The following RIPK4 variants were observed in gnomAD, a reference collection of about 807,000 sequenced individuals.
RIPK4 encodes the protein receptor interacting serine/threonine kinase 4.
RIPK4 carries 17 observed loss-of-function variants against 42.9 expected under a neutral mutation model. That is an observed-to-expected ratio of 0.40 (90% CI 0.27 to 0.59). The LOEUF (loss-of-function observed/expected upper bound fraction) is 0.59, where lower values mean the gene tolerates loss of function less well. Ranked by LOEUF, RIPK4 falls within the 20% of genes least tolerant of loss-of-function variation. The pLI, the probability that RIPK4 is intolerant of heterozygous loss-of-function variation, is 0.47. For synonymous variants in RIPK4, 498 were observed against 499.1 expected (o/e 1.00, Z 0.03); for missense variants, 897 against 1,104.4 (o/e 0.81, Z 2.66).
At chr21:41,758,929 C>CA (rs2061212836) in intron 1 of RIPK4, among the ~76,000 whole-genome samples, 1 of 152,178 alleles carries the variant, frequency 6.6e-6, no homozygotes, top group South Asian at 2.1e-4. Context: ...AGAATGCGTT[C>CA]AGAGTAAGAG....
rs758587792 is a variant in RIPK4 at position 41,751,135 on chromosome 21, C to T, written c.585G>A (p.Glu195=). Residue 195 remains glutamate, a synonymous_variant, in exon 3 of 8, where the codon GAG becomes GAA. Coordinates refer to ENST00000332512, the MANE Select transcript of RIPK4 (RefSeq NM_020639.3). This position sits in a 1 kb window ranked among gnomAD's most constrained non-coding sequence, Gnocchi z 4.5. ...IAYLPPERIR[E]KSRLFDTKHD... The stretch of plus-strand genomic sequence containing the variant: ...GCTTGGTGTCGAAGAGCCGGCTCTT[C>T]TCCCTGATGCGCTCTGGAGGGAGGT... 3 of 1,614,188 alleles carry T rather than the reference C, an allele frequency of 1.9e-6. No homozygotes were observed. The South Asian group carries it at 3.3e-5, about 18-fold the overall frequency.
intron 1 of RIPK4, 28 bp downstream of exon 1, chr21:41,766,832 G>A (rs1302460541): frequency 1.3e-6 from 2 of 1,591,258 alleles, no homozygotes; most frequent in Non-Finnish European, 1.7e-6. Flanking sequence ...GGCCCCAGCC[G>A]CCCCAGCGCC....
chr21:41,765,801 A>G (rs2061234415), intron 1 of RIPK4, among the ~76,000 whole-genome samples: 1 of 152,382 alleles, frequency 6.6e-6, no homozygotes. Context: ...AAGCTTCATT[A>G]AAGGATAAAT....
In RIPK4 at chr21:41,742,315, A is replaced by G. The variant is rs920102862; in HGVS notation, c.1196-318T>C. On this transcript the variant is annotated intron_variant, in intron 7 of 7. Coordinates refer to ENST00000332512, the MANE Select transcript of RIPK4 (RefSeq NM_020639.3). This position sits in a 1 kb window ranked among gnomAD's most constrained non-coding sequence, Gnocchi z 5.1. ...CAGTGACTGCAAACATCCCTTCATTAAAGAAAGAAGGAAAAAGGGCACAGA... is the reference window on the plus strand; with the variant it reads ...CAGTGACTGCAAACATCCCTTCATTGAAGAAAGAAGGAAAAAGGGCACAGA... Among the ~76,000 whole-genome samples the G allele has an allele frequency of 2.0e-5, 3 of 152,192 alleles. No homozygotes were observed. The highest frequency in any genetic ancestry group is 7.2e-5 in the African/African-American group (3 of 41,452).
At chr21:41,753,581 C>T (rs1358553239) in intron 2 of RIPK4, among the ~76,000 whole-genome samples, 3 of 152,294 alleles carry the variant, frequency 2.0e-5, no homozygotes, top group Non-Finnish European at 2.9e-5. Flanking sequence ...CCCCTCACCC[C>T]GTGTCCTCAA....
intron 6 of RIPK4, among the ~76,000 whole-genome samples, chr21:41,744,734 C>T (rs955252853): frequency 1.3e-4 from 20 of 152,152 alleles, no homozygotes; most frequent in Admixed American, 6.6e-5. Context: ...GACCCCCACA[C>T]GTGGCCACAA....
chr21:41,763,562 C>CGAAGGA, intron 1 of RIPK4, among the ~76,000 whole-genome samples: 1 of 152,282 alleles, frequency 6.6e-6, no homozygotes, highest in Admixed American at 6.5e-5. Flanking sequence ...CAAAGAGCTC[C>CGAAGGA]GAAGGAGAAA....
chr21:41,765,110 G>A (rs1399854531), intron 1 of RIPK4, among the ~76,000 whole-genome samples: 1 of 152,250 alleles, frequency 6.6e-6, no homozygotes, highest in African/African-American at 2.4e-5. Context: ...CTAAGGATGT[G>A]AGCTGGTGAG....
chr21:41,764,129 G>A (rs1465942171), intron 1 of RIPK4, among the ~76,000 whole-genome samples: 1 of 152,136 alleles, frequency 6.6e-6, no homozygotes, highest in Non-Finnish European at 1.5e-5. Flanking sequence ...TCCTGTCCCT[G>A]GGAGCCTCGC....
At chr21:41,745,297 G>A (rs1168233636) in intron 6 of RIPK4, among the ~76,000 whole-genome samples, 3 of 152,200 alleles carry the variant, frequency 2.0e-5, no homozygotes, top group East Asian at 3.9e-4. Flanking sequence ...CTCATCACCC[G>A]AAAAGGCATT....
At chr21:41,750,324 A>G (rs961011672) in intron 3 of RIPK4, among the ~76,000 whole-genome samples, 1 of 152,244 alleles carries the variant, frequency 6.6e-6, no homozygotes, top group Admixed American at 6.5e-5. Context: ...AGTCTGTGTG[A>G]TTAAGACCTT....
chr21:41,743,747 A>G, intron 7 of RIPK4, 135 bp downstream of exon 7: 1 of 1,166,450 alleles, frequency 8.6e-7, no homozygotes, highest in South Asian at 1.5e-5. Context: ...ATTACTTAAG[A>G]CAGAGAGAAC....
intron 2 of RIPK4, among the ~76,000 whole-genome samples, chr21:41,752,824 T>C (rs78117870): frequency 6.6e-5 from 10 of 151,820 alleles, no homozygotes; most frequent in Admixed American, 6.6e-5. Flanking sequence ...GCCCTGTCGG[T>C]GCGTAGGGGA....
In RIPK4 at chr21:41,763,608, ATG is replaced by A. The variant is rs2061227497; in HGVS notation, c.182+3250_182+3251del. ...ACCTTCAGGAAAATGCAGCCGGAAA[ATG>A]TGTTTCATCATCTGTTAGCTGATGC... is the stretch of plus-strand genomic sequence containing the variant. On this transcript the variant is annotated intron_variant, in intron 1 of 7. Transcript: ENST00000332512. Among the ~76,000 whole-genome samples, 5 of 152,324 alleles carry A rather than the reference ATG, an allele frequency of 3.3e-5. No individual in the cohort carries two copies. In the South Asian group the frequency reaches 1.0e-3, roughly 32 times the overall value.
At chr21:41,746,794 C>A in intron 4 of RIPK4, 23 bp from the exon 5 acceptor site, 1 of 1,561,818 alleles carries the variant, frequency 6.4e-7, no homozygotes, top group South Asian at 1.2e-5. Context: ...GGATGCGAGT[C>A]AGGGGCTCTG....
At chr21:41,744,252 GA>G in intron 6 of RIPK4, 112 bp from the exon 7 acceptor site, 1 of 1,017,418 alleles carries the variant, frequency 9.8e-7, no homozygotes, top group Non-Finnish European at 1.4e-6. Context: ...GATGGGGGAG[GA>G]AAGGACGGAC....
At position 41,746,717 on chromosome 21, in the gene RIPK4, T is replaced by C; in HGVS notation, c.728A>G (p.Glu243Gly). ...MVKVVKGHRP[E>G]LPPVCRARPR... Reference sequence around the variant, plus strand: ...CCGGGCTCTGCACACGGGCGGCAGCTCGGGGCGGTGGCCCTTCACCACCTT... The same window carrying C: ...CCGGGCTCTGCACACGGGCGGCAGCCCGGGGCGGTGGCCCTTCACCACCTT... Residue 243 changes from glutamate (E) to glycine (G), a missense_variant, in exon 5 of 8, where the codon GAG (glutamate) becomes GGG (glycine). By Grantham distance (98) the Glu-to-Gly change is moderately conservative. Coordinates refer to ENST00000332512, the MANE Select transcript of RIPK4 (RefSeq NM_020639.3). 3 of 1,609,428 alleles carry C rather than the reference T, an allele frequency of 1.9e-6. No individual in the cohort carries two copies. Among genetic ancestry groups the C allele is most frequent in the South Asian group, 1.1e-5 (1 of 90,916 alleles).
Position 41,740,798 on chromosome 21 carries a change from A to C in RIPK4, c.*40T>G, listed in dbSNP as rs1311556218. ...CCCCACGAGGAACACAGGACAGGAC[A>C]AGAGCCCCACGTGGACCCCCGGTCT... On this transcript the variant is annotated 3_prime_UTR_variant, in exon 8 of 8. Transcript: ENST00000332512. 1 of 1,550,518 alleles carries C rather than the reference A, an allele frequency of 6.4e-7. No individual in the cohort carries two copies. The highest frequency in any genetic ancestry group is 1.4e-5 in the African/African-American group (1 of 73,806).
At position 41,741,305 on chromosome 21, in the gene RIPK4, C is replaced by T. The variant is rs200417715; in HGVS notation, c.1888G>A (p.Val630Ile). Residue 630 changes from valine (V) to isoleucine (I), a missense_variant, in exon 8 of 8, where the codon GTC (valine) becomes ATC (isoleucine). Val to Ile is a conservative substitution (Grantham distance 29). Coordinates refer to ENST00000332512, the MANE Select transcript of RIPK4 (RefSeq NM_020639.3). ...ARILIDLCSD[V>I]NVCSLLAQTP... ...TGTGCCAGCAGGCTGCAGACGTTGACGTCGGAGCACAGGTCGATGAGGATG... is the reference window on the plus strand; with the variant it reads ...TGTGCCAGCAGGCTGCAGACGTTGATGTCGGAGCACAGGTCGATGAGGATG... 47 of 1,608,360 alleles carry T rather than the reference C, an allele frequency of 2.9e-5. No individual in the cohort carries two copies. The highest frequency in any genetic ancestry group is 6.7e-5 in the Admixed American group (4 of 59,998).
Sources: allele counts gnomAD v4.1 joint callset (sites outside exome capture counted in the v4.1 genomes callset), GRCh38; gene constraint gnomAD v4.1.1; non-coding constraint Gnocchi (gnomAD v3.1); transcripts MANE v1.5; gene names NCBI Gene and HGNC (gene_info 2026-07-23, HGNC 2026-07-21).